The following CHRNB2 variants were observed in gnomAD, a reference collection of about 807,000 sequenced individuals.
The protein encoded by CHRNB2 is cholinergic receptor nicotinic beta 2 subunit.
Under a neutral mutation model 42.7 loss-of-function variants are expected in CHRNB2, and 33 were observed. That is an observed-to-expected ratio of 0.77 (90% confidence interval 0.59 to 1.03). CHRNB2 has a LOEUF of 1.03. Among genes scored for constraint, CHRNB2 ranks in the 50% least tolerant of loss-of-function variants. The pLI is 0.00. For synonymous variants in CHRNB2, 325 were observed against 292.9 expected, an observed-to-expected ratio of 1.11 and a Z score of -1.12; for missense variants, 603 against 700.9, an observed-to-expected ratio of 0.86 and a Z score of 1.58.
intron 5 of CHRNB2, among the ~76,000 whole-genome samples, chr1:154,575,284 G>A (rs557997889): frequency 2.0e-5 from 3 of 152,334 alleles, no homozygotes; most frequent in African/African-American, 7.2e-5. Flanking sequence ...CTGTGATGGA[G>A]ACGTGTACAC....
chr1:154,571,628 T>C lies in CHRNB2; in HGVS notation c.805T>C (p.Cys269Arg). Residue 269 changes from cysteine (C) to arginine (R), a missense_variant, in exon 5 of 6, where the codon TGC (cysteine) becomes CGC (arginine). By Grantham distance (180) the Cys-to-Arg change is radical. Around this residue, in one of 2 missense-constraint regions of CHRNB2, gnomAD observed 333 missense variants for 452.6 expected, o/e 0.74. Coordinates refer to ENST00000368476, the MANE Select transcript of CHRNB2 (RefSeq NM_000748.3). The surrounding 1 kb of genome is among the most constrained non-coding windows in gnomAD (Gnocchi z 6.8). ...PSDCGEKMTL[C>R]ISVLLALTVF... ...CGACTGTGGCGAGAAGATGACGTTG[T>C]GCATCTCAGTGCTGCTGGCGCTCAC... 1.2e-6 allele frequency: 2 copies of C among 1,614,244 alleles called. No homozygotes were observed. Among genetic ancestry groups the C allele is most frequent in the Non-Finnish European group, 1.7e-6 (2 of 1,180,034 alleles).
intron 4 of CHRNB2, among the ~76,000 whole-genome samples, chr1:154,570,885 A>AT (rs1204264683): frequency 6.6e-6 from 1 of 152,020 alleles, no homozygotes; most frequent in Non-Finnish European, 1.5e-5. Flanking sequence ...CAACCAGCTT[A>AT]TACAATGTGT....
At position 154,571,925 on chromosome 1, in the gene CHRNB2, C is replaced by G. The variant is rs982967837; in HGVS notation, c.1102C>G (p.Arg368Gly). ...RQRLRLRRRQ[R>G]EREGAGALFF... ...GCGCCTGCGCCTGCGGCGACGCCAG[C>G]GTGAGCGCGAGGGCGCTGGAGCCCT... Residue 368 changes from arginine (R) to glycine (G), a missense_variant, in exon 5 of 6, where the codon CGT becomes GGT. By Grantham distance (125) the Arg-to-Gly change is moderately radical. Transcript: ENST00000368476. This position sits in a 1 kb window ranked among gnomAD's most constrained non-coding sequence, Gnocchi z 6.8. 1 of 1,561,190 alleles carries G rather than the reference C, an allele frequency of 6.4e-7. No individual in the cohort carries two copies. The highest frequency in any genetic ancestry group is 1.4e-5 in the African/African-American group (1 of 73,688).
chr1:154,579,143 G>C lies in CHRNB2; in HGVS notation c.*3211G>C, dbSNP rs202139749. ...TGTTCTACTGAGGAAGGCTACGGCA[G>C]AGGAAGGGCAAGACCGTTTCCCCCA... On this transcript the variant is annotated 3_prime_UTR_variant, in exon 6 of 6. Transcript: ENST00000368476. 6.6e-6 allele frequency: 1 copy of C among 152,238 alleles called. No homozygotes were observed. Among genetic ancestry groups the C allele is most frequent in the Non-Finnish European group, 1.5e-5 (1 of 68,062 alleles). 9.4% of individuals were successfully genotyped at this position (152,238 alleles called of 1,614,324 possible).
rs1696338850 is a variant in CHRNB2, at chr1:154,579,075, G to C, written c.*3143G>C. 1 of 152,188 alleles carries C rather than the reference G, an allele frequency of 6.6e-6. No individual in the cohort carries two copies. The highest frequency in any genetic ancestry group is 2.4e-5 in the African/African-American group (1 of 41,442). The allele number at this position is 152,188 out of a possible 1,614,324, so 9.4% of individuals were successfully genotyped here. A position where few individuals can be genotyped will look rare whatever the true frequency, so the allele number is the denominator to read the frequency against. On this transcript the variant is annotated 3_prime_UTR_variant, in exon 6 of 6. Coordinates refer to ENST00000368476, the MANE Select transcript of CHRNB2 (RefSeq NM_000748.3). ...CTAGAACAGCTGGTACCAAGTTATT[G>C]AAAATTTAAAAGCAAACAAGACACA...
At position 154,576,017 on chromosome 1, in the gene CHRNB2, C is replaced by G; in HGVS notation, c.*85C>G. ...GGTGGAGGATGGACGAGTGAGCTAC[C>G]AGGAAGAGGGGCGCTGCCCCCACAG... On this transcript the variant is annotated 3_prime_UTR_variant, in exon 6 of 6. Transcript: ENST00000368476. 1.4e-5 allele frequency: 21 copies of G among 1,551,394 alleles called. No individual in the cohort carries two copies. The highest frequency in any genetic ancestry group is 1.9e-5 in the Non-Finnish European group (21 of 1,129,054).
At position 154,571,912 on chromosome 1, in the gene CHRNB2, G is replaced by A. The variant is rs930562574; in HGVS notation, c.1089G>A (p.Leu363=). The A allele has an allele frequency of 2.5e-6, 4 of 1,573,032 alleles. No homozygotes were observed. The highest frequency in any genetic ancestry group is 2.7e-5 in the African/African-American group (2 of 74,004). The change falls in exon 5 of 6, where the codon CTG becomes CTA. Residue 363 remains leucine (L), a synonymous_variant. Transcript: ENST00000368476. The surrounding 1 kb of genome is among the most constrained non-coding windows in gnomAD (Gnocchi z 6.8). ...ATTGCGCCCGTCAGCGCCTGCGCCT[G>A]CGGCGACGCCAGCGTGAGCGCGAGG... ...RHHCARQRLR[L]RRRQREREGA...
At chr1:154,570,440 A>T (rs1696141459) in intron 4 of CHRNB2, 73 bp downstream of exon 4, 5 of 895,194 alleles carry the variant, frequency 5.6e-6, no homozygotes, top group Non-Finnish European at 9.2e-6. Context: ...GGAAAATAAG[A>T]GAAATTACTT....
chr1:154,568,509 C>A lies in CHRNB2; in HGVS notation c.64+401C>A, dbSNP rs191592581. Among the ~76,000 whole-genome samples, 564 of 152,212 alleles carry A rather than the reference C, an allele frequency of 3.7e-3. 2 individuals carry two copies. Among genetic ancestry groups the A allele is most frequent in the African/African-American group, 0.012 (513 of 41,520 alleles). On this transcript the variant is annotated intron_variant, in intron 1 of 5. Transcript: ENST00000368476. ...AGGTACCTGGACCAGCACCCCTCCCCGGGCTCCCCATCGTTTCCCATCCCC... is the reference window on the plus strand; with the variant it reads ...AGGTACCTGGACCAGCACCCCTCCCAGGGCTCCCCATCGTTTCCCATCCCC...
rs1034102333 is a variant in CHRNB2, at chr1:154,576,254, G to A, written c.*322G>A. The stretch of plus-strand genomic sequence containing the variant: ...CCACCCTGAGGAGTGATGGGCAAGG[G>A]GCCAGGAAGGGGACAGGATTGTCTG... On this transcript the variant is annotated 3_prime_UTR_variant, in exon 6 of 6. Coordinates refer to ENST00000368476, the MANE Select transcript of CHRNB2 (RefSeq NM_000748.3). 9.4e-6 allele frequency: 4 copies of A among 425,128 alleles called. No homozygotes were observed. The highest frequency in any genetic ancestry group is 1.8e-5 in the Non-Finnish European group (4 of 225,020). The allele number at this position is 425,128 out of a possible 1,614,324, so 26.3% of individuals were successfully genotyped here.
rs1182581432 is a variant in CHRNB2, at chr1:154,570,264, G to A, written c.262G>A (p.Glu88Lys). ...TTNVWLTQEW[E>K]DYRLTWKPEE... is the part of the protein sequence containing the mutation. ...TCCCTCTCTCATTTCCCAGGAGTGG[G>A]AAGATTATCGCCTCACCTGGAAGCC... The change falls in exon 4 of 6, where the codon GAA (glutamate) becomes AAA (lysine). Residue 88 changes from glutamate (E) to lysine (K), a missense_variant. Physicochemically the swap from Glu to Lys is moderately conservative, Grantham distance 56. This residue lies in a region of CHRNB2 where 333 missense variants were observed against 452.6 expected (regional missense o/e 0.74). Coordinates refer to ENST00000368476, the MANE Select transcript of CHRNB2 (RefSeq NM_000748.3). 1 of 1,609,102 alleles carries A rather than the reference G, an allele frequency of 6.2e-7. No individual in the cohort carries two copies. Among genetic ancestry groups the A allele is most frequent in the Non-Finnish European group, 8.5e-7 (1 of 1,177,038 alleles).
intron 3 of CHRNB2, 114 bp from the exon 4 acceptor site, chr1:154,570,144 A>C: frequency 1.3e-6 from 1 of 767,374 alleles, no homozygotes; most frequent in Non-Finnish European, 2.3e-6. Context: ...TGTGGGGAAG[A>C]GGCTGGCTTT....
rs372273025 is a variant in CHRNB2, at chr1:154,570,318, C to A, written c.316C>A (p.Arg106=). 1 of 1,612,356 alleles carries A rather than the reference C, an allele frequency of 6.2e-7. No individual in the cohort carries two copies. Among genetic ancestry groups the A allele is most frequent in the Non-Finnish European group, 8.5e-7 (1 of 1,179,232 alleles). Residue 106 remains arginine, a synonymous_variant, in exon 4 of 6, where the codon CGG becomes AGG. Transcript: ENST00000368476. ...PEEFDNMKKV[R]LPSKHIWLPD... ...AGAGTTTGACAACATGAAGAAAGTT[C>A]GGCTCCCTTCCAAACACATCTGGCT...
intron 5 of CHRNB2, 109 bp from the exon 6 acceptor site, chr1:154,575,653 A>T: frequency 9.2e-7 from 1 of 1,087,030 alleles, no homozygotes; most frequent in Non-Finnish European, 1.4e-6. Context: ...TTCTGGGATC[A>T]CTGCAGGAGA....
At chr1:154,570,490 C>A in intron 4 of CHRNB2, 123 bp downstream of exon 4, 4 of 703,640 alleles carry the variant, frequency 5.7e-6, no homozygotes, top group South Asian at 4.7e-5. Context: ...GATATGTAGT[C>A]ACTACCTAGA....
At chr1:154,569,366 G>C in intron 1 of CHRNB2, 96 bp from the exon 2 acceptor site, 1 of 1,435,392 alleles carries the variant, frequency 7.0e-7, no homozygotes, top group Admixed American at 1.8e-5. Flanking sequence ...GGGAGATACT[G>C]GTTGGGCCTG....
At chr1:154,568,150 C>A in intron 1 of CHRNB2, 42 bp downstream of exon 1, 1 of 1,567,712 alleles carries the variant, frequency 6.4e-7, no homozygotes, top group Non-Finnish European at 8.7e-7. Flanking sequence ...CCTACCCCAG[C>A]CAACGGCCCA....
In CHRNB2 at chr1:154,569,322, A is replaced by T. The variant is rs1480703689; in HGVS notation, c.65-140A>T. 5 of 1,009,714 alleles carry T rather than the reference A, an allele frequency of 5.0e-6. No individual in the cohort carries two copies. The East Asian group carries it at 1.3e-4, about 26-fold the overall frequency. The allele number at this position is 1,009,714 out of a possible 1,614,324, so 62.5% of individuals were successfully genotyped here. A position where few individuals can be genotyped will look rare whatever the true frequency, so the allele number is the denominator to read the frequency against. ...ATTAATCTGGGGCCTCCCTGGGGTT[A>T]ATCTAAGCATTTTGCAGTATCCTTA... On this transcript the variant is annotated intron_variant, in intron 1 of 5. Transcript: ENST00000368476.
At position 154,569,845 on chromosome 1, in the gene CHRNB2, A is replaced by T; in HGVS notation, c.255+9A>T. ...ATGTCTGGCTGACCCAGGTAAGCGT[A>T]AGTGCTCTCTTCCACCCACACCCCT... is the stretch of plus-strand genomic sequence containing the variant. On this transcript the variant is annotated intron_variant, in intron 3 of 5. Coordinates refer to ENST00000368476, the MANE Select transcript of CHRNB2 (RefSeq NM_000748.3). 1 of 1,613,942 alleles carries T rather than the reference A, an allele frequency of 6.2e-7. No individual in the cohort carries two copies. Among genetic ancestry groups the T allele is most frequent in the Non-Finnish European group, 8.5e-7 (1 of 1,179,936 alleles).
Sources: allele counts gnomAD v4.1 joint callset (sites outside exome capture counted in the v4.1 genomes callset), GRCh38; gene constraint gnomAD v4.1.1; regional missense constraint gnomAD v4.1.1; non-coding constraint Gnocchi (gnomAD v3.1); transcripts MANE v1.5; gene names NCBI Gene and HGNC (gene_info 2026-07-23, HGNC 2026-07-21).